MYOM2: variants seen among roughly 807,000 people sequenced by gnomAD.
MYOM2 encodes myomesin 2.
In MYOM2, 254 loss-of-function variants were observed where a neutral mutation model predicts 187.6. The observed-to-expected ratio is 1.35, with a 90% confidence interval of 1.22 to 1.50. The LOEUF (loss-of-function observed/expected upper bound fraction) is 1.50. MYOM2 is among the 40% of genes most tolerant of loss of function. The pLI is 0.00. For missense variants in MYOM2, 2,796 were observed against 1,924.0 expected, an observed-to-expected ratio of 1.45 and a Z score of -8.48; for synonymous variants, 981 against 753.8, an observed-to-expected ratio of 1.30 and a Z score of -4.94.
At chr8:2,096,171 C>T (rs1314621921) in intron 17 of MYOM2, 76 bp from the exon 18 acceptor site, 1 of 1,457,600 alleles carries the variant, frequency 6.9e-7, no homozygotes, top group Admixed American at 1.8e-5. Context: ...CCCTCTGCCA[C>T]ACTGGAGCTG....
At chr8:2,102,950 G>A (rs1237581767) in intron 21 of MYOM2, among the ~76,000 whole-genome samples, 169 bp downstream of exon 21, 2 of 152,086 alleles carry the variant, frequency 1.3e-5, no homozygotes, top group Non-Finnish European at 2.9e-5. Flanking sequence ...GAGTGTGCAT[G>A]TGTTACGTGT....
chr8:2,057,914 T>C, intron 5 of MYOM2, 134 bp downstream of exon 5: 1 of 882,426 alleles, frequency 1.1e-6, no homozygotes, highest in Non-Finnish European at 1.7e-6. Flanking sequence ...CAGAAATATG[T>C]TTATAGAAGC....
chr8:2,095,447 C>T (rs945152907), intron 17 of MYOM2, among the ~76,000 whole-genome samples: 14 of 152,014 alleles, frequency 9.2e-5, no homozygotes, highest in Admixed American at 3.9e-4. Context: ...ACCACCACCA[C>T]GCCCAGCTAA....
intron 21 of MYOM2, among the ~76,000 whole-genome samples, chr8:2,105,069 C>T (rs1320184863): frequency 2.0e-5 from 3 of 152,116 alleles, no homozygotes; most frequent in Non-Finnish European, 4.4e-5. Context: ...TGAGTGCTGC[C>T]CCCAGTCATT....
chr8:2,086,203 G>GCA lies in MYOM2; in HGVS notation c.1644+814_1644+815insAC, dbSNP rs1476490159. Among the ~76,000 whole-genome samples, 19 of 14,348 alleles carry GCA rather than the reference G, an allele frequency of 1.3e-3. 2 individuals carry two copies. The highest frequency in any genetic ancestry group is 2.3e-3 in the Non-Finnish European group (14 of 6,124). 9.4% of individuals were successfully genotyped at this position (14,348 alleles called of 152,430 possible). A position where few individuals can be genotyped will look rare whatever the true frequency, so the allele number is the denominator to read the frequency against. ...GCCCCACTGTCATGATCTCTGCGTG[G>GCA]CCCCACTGTCATGATCTCTTTGTGG... On this transcript the variant is annotated intron_variant, in intron 14 of 36. Transcript: ENST00000262113.
rs1797230600 is a variant in MYOM2 at position 2,116,033 on chromosome 8, A to C, written c.3254A>C (p.Glu1085Ala). 3 of 1,613,868 alleles carry C rather than the reference A, an allele frequency of 1.9e-6. No homozygotes were observed. Among genetic ancestry groups the C allele is most frequent in the Non-Finnish European group, 1.7e-6 (2 of 1,179,988 alleles). The change falls in exon 26 of 37, where the codon GAG becomes GCG. Residue 1085 changes from glutamate to alanine, a missense_variant. Glu to Ala is a moderately radical substitution (Grantham distance 107, BLOSUM62 -1). Transcript: ENST00000262113. ...MVMDRFSIENEGTYTVQIHDG... is the reference protein window; with the variant it reads ...MVMDRFSIENAGTYTVQIHDG... Reference sequence around the variant, plus strand: ...ATGGATCGATTTAGTATTGAAAATGAGGGGACCTACACTGTGCAGATTCAT... The same window carrying C: ...ATGGATCGATTTAGTATTGAAAATGCGGGGACCTACACTGTGCAGATTCAT...
chr8:2,133,088 C>T (rs1371707998), intron 32 of MYOM2, among the ~76,000 whole-genome samples: 1 of 152,092 alleles, frequency 6.6e-6, no homozygotes, highest in African/African-American at 2.4e-5. Context: ...ATGTGCAGTC[C>T]CCTCTCAGAA....
Position 2,050,794 on chromosome 8 carries a change from C to T in MYOM2, c.28C>T (p.Gln10Ter). Reference protein sequence around the residue: MSLVTVPFYQKRHRHFDQSY... With the variant: MSLVTVPFY ...GTCCCTTGTGACTGTCCCCTTCTACCAGAAGAGACATAGGCACTTCGACCA... is the reference window on the plus strand; with the variant it reads ...GTCCCTTGTGACTGTCCCCTTCTACTAGAAGAGACATAGGCACTTCGACCA... The change falls in exon 2 of 37, where the codon CAG becomes TAG. Residue 10 changes from glutamine to a stop codon, truncating the protein, a stop_gained. Transcript: ENST00000262113. LOFTEE classifies it high-confidence loss of function. 2 of 1,613,046 alleles carry T rather than the reference C, an allele frequency of 1.2e-6. No homozygotes were observed. Among genetic ancestry groups the T allele is most frequent in the Non-Finnish European group, 1.7e-6 (2 of 1,179,050 alleles).
chr8:2,144,807 G>C lies in MYOM2; in HGVS notation c.4224G>C (p.Val1408=). 6.2e-7 allele frequency: 1 copy of C among 1,614,184 alleles called. No homozygotes were observed. Among genetic ancestry groups the C allele is most frequent in the Non-Finnish European group, 8.5e-7 (1 of 1,180,048 alleles). The change falls in exon 37 of 37, where the codon GTG becomes GTC. Residue 1408 remains valine, a synonymous_variant. Coordinates refer to ENST00000262113, the MANE Select transcript of MYOM2 (RefSeq NM_003970.4). ...ACGTCAGCATGACCATCAAAGGCGTGACCTCCGAGGACTCGGGCAAGTACA... is the reference window on the plus strand; with the variant it reads ...ACGTCAGCATGACCATCAAAGGCGTCACCTCCGAGGACTCGGGCAAGTACA... ...AKYVSMTIKG[V]TSEDSGKYSI... is the part of the protein sequence containing the mutation.
chr8:2,099,586 C>G (rs1259331314), intron 19 of MYOM2, among the ~76,000 whole-genome samples: 2 of 152,138 alleles, frequency 1.3e-5, no homozygotes, highest in Non-Finnish European at 2.9e-5. Context: ...AGCTCGCACT[C>G]TACTGGTTTT....
intron 28 of MYOM2, 34 bp from the exon 29 acceptor site, chr8:2,123,218 T>C: frequency 2.9e-6 from 4 of 1,379,090 alleles, no homozygotes; most frequent in Non-Finnish European, 4.1e-6. Flanking sequence ...GTCAGAATGA[T>C]TTACACACTA....
In MYOM2 at chr8:2,118,007, G is replaced by A. The variant is rs370553396; in HGVS notation, c.3453+55G>A. ...ATAAATCTCATTCTGGTTCCTATCA[G>A]AGAGGCCTTTCAGGGAGTAGCTGTG... On this transcript the variant is annotated intron_variant, in intron 28 of 36. Coordinates refer to ENST00000262113, the MANE Select transcript of MYOM2 (RefSeq NM_003970.4). 23 of 1,521,124 alleles carry A rather than the reference G, an allele frequency of 1.5e-5. No homozygotes were observed. The African/African-American group carries it at 3.0e-4, about 20-fold the overall frequency. 94.2% of individuals were successfully genotyped at this position (1,521,124 alleles called of 1,614,324 possible).
chr8:2,105,847 G>A (rs1006477255), intron 21 of MYOM2, among the ~76,000 whole-genome samples: 3 of 152,244 alleles, frequency 2.0e-5, no homozygotes, highest in African/African-American at 4.8e-5. Flanking sequence ...CCGTTCTCAC[G>A]CTGGTATGAA....
At chr8:2,134,079 C>G (rs538478431) in intron 32 of MYOM2, among the ~76,000 whole-genome samples, 67 of 148,446 alleles carry the variant, frequency 4.5e-4, no homozygotes, top group African/African-American at 1.7e-3. Context: ...CCATCAAAAC[C>G]AGGCGCTGAA....
chr8:2,104,717 G>C (rs1050659136), intron 21 of MYOM2, among the ~76,000 whole-genome samples: 1 of 152,124 alleles, frequency 6.6e-6, no homozygotes, highest in Non-Finnish European at 1.5e-5. Flanking sequence ...TGGTGGCTCC[G>C]GTGAGGGCCT....
intron 6 of MYOM2, among the ~76,000 whole-genome samples, chr8:2,062,003 G>A (rs781329094): frequency 2.0e-5 from 3 of 152,198 alleles, no homozygotes; most frequent in Non-Finnish European, 4.4e-5. Context: ...GCCCGTTGTG[G>A]TGTGAAATAG....
chr8:2,045,740 G>A (rs970975699), intron 1 of MYOM2, among the ~76,000 whole-genome samples: 2 of 152,182 alleles, frequency 1.3e-5, no homozygotes, highest in Admixed American at 6.5e-5. Context: ...TGTGCTGTTG[G>A]GTGTGTTGTG....
At chr8:2,120,362 G>A (rs1324767283) in intron 28 of MYOM2, among the ~76,000 whole-genome samples, 1 of 151,876 alleles carries the variant, frequency 6.6e-6, no homozygotes, top group Non-Finnish European at 1.5e-5. Context: ...ATCTCCACTT[G>A]GCCACCTCAG....
At chr8:2,113,346 G>A (rs1404248109) in intron 25 of MYOM2, among the ~76,000 whole-genome samples, 1 of 152,234 alleles carries the variant, frequency 6.6e-6, no homozygotes, top group East Asian at 1.9e-4. Context: ...CAATCCACTA[G>A]CAGCCATAAC....
Sources: allele counts gnomAD v4.1 joint callset (sites outside exome capture counted in the v4.1 genomes callset), GRCh38; gene constraint gnomAD v4.1.1; transcripts MANE v1.5; gene names NCBI Gene and HGNC (gene_info 2026-07-23, HGNC 2026-07-21).